VPS13B: variants seen among roughly 807,000 people sequenced by gnomAD.
The protein encoded by VPS13B is vacuolar protein sorting 13 homolog B.
VPS13B carries 285 observed loss-of-function variants against 426.4 expected under a neutral mutation model. The ratio of observed to expected loss-of-function variants is 0.67; its 90% CI spans 0.61 to 0.74. The LOEUF (loss-of-function observed/expected upper bound fraction) is 0.74. Among genes scored for constraint, VPS13B ranks in the 30% least tolerant of loss-of-function variants. The pLI is 0.00. For synonymous variants in VPS13B, 1,676 were observed against 1,676.4 expected, an observed-to-expected ratio of 1.00 and a Z score of 0.01; for missense variants, 4,537 against 4,782.6, an observed-to-expected ratio of 0.95 and a Z score of 1.51.
intron 40 of VPS13B, among the ~76,000 whole-genome samples, chr8:99,771,538 C>A (rs1324107931): frequency 6.6e-6 from 1 of 152,168 alleles, no homozygotes; most frequent in African/African-American, 2.4e-5. Context: ...GACAGTGATC[C>A]ACAGCCTGTG....
chr8:99,511,557 T>A, intron 29 of VPS13B, 45 bp downstream of exon 29: 1 of 1,579,976 alleles, frequency 6.3e-7, no homozygotes, highest in Non-Finnish European at 8.6e-7. Context: ...ATAATTTTCT[T>A]CTAGAGACCT....
chr8:99,835,712 A>G lies in VPS13B; in HGVS notation c.9916A>G (p.Ile3306Val), dbSNP rs756410761. Residue 3306 changes from isoleucine (I) to valine (V), a missense_variant, in exon 54 of 62, where the codon ATT becomes GTT. Transcript: ENST00000357162. ...AGTAACAACTGAGTGGAGTGATGCC[A>G]TTGACATCAACAGTCAGGGAACACA... ...DEVTTEWSDA[I>V]DINSQGTQVV... 6 of 1,614,166 alleles carry G rather than the reference A, an allele frequency of 3.7e-6. No individual in the cohort carries two copies. Among genetic ancestry groups the G allele is most frequent in the Non-Finnish European group, 5.1e-6 (6 of 1,180,018 alleles).
intron 19 of VPS13B, among the ~76,000 whole-genome samples, chr8:99,318,221 A>G (rs1266338305): frequency 2.6e-5 from 4 of 152,188 alleles, no homozygotes; most frequent in Non-Finnish European, 5.9e-5. Context: ...AAAATGGTTG[A>G]TGTGCTTATT....
chr8:99,226,759 G>A (rs187015468), intron 17 of VPS13B, among the ~76,000 whole-genome samples: 239 of 152,140 alleles, frequency 1.6e-3, no homozygotes, highest in African/African-American at 5.3e-3. Context: ...TTTTTAAAAC[G>A]GATACATAAT....
At chr8:99,300,921 A>G (rs995722980) in intron 19 of VPS13B, among the ~76,000 whole-genome samples, 1 of 147,924 alleles carries the variant, frequency 6.8e-6, no homozygotes, top group Non-Finnish European at 1.5e-5. Context: ...TTCTGCACAC[A>G]TAATAAAAAT....
At chr8:99,313,182 T>G (rs929741643) in intron 19 of VPS13B, among the ~76,000 whole-genome samples, 1 of 152,242 alleles carries the variant, frequency 6.6e-6, no homozygotes, top group Non-Finnish European at 1.5e-5. Flanking sequence ...AAAGTCGTTC[T>G]CCATCCAGCT....
chr8:99,106,816 T>G (rs1040461614), intron 5 of VPS13B, among the ~76,000 whole-genome samples: 1 of 152,210 alleles, frequency 6.6e-6, no homozygotes, highest in Non-Finnish European at 1.5e-5. Flanking sequence ...CACAATCAGG[T>G]GAGCAAGGGT....
intron 33 of VPS13B, among the ~76,000 whole-genome samples, chr8:99,623,574 A>G (rs553495411): frequency 2.6e-5 from 4 of 152,288 alleles, no homozygotes; most frequent in Admixed American, 6.5e-5. Context: ...AATGATGGAT[A>G]TAATTAATGA....
chr8:99,840,307 T>G (rs575480366), intron 54 of VPS13B, among the ~76,000 whole-genome samples: 146 of 152,402 alleles, frequency 9.6e-4, no homozygotes, highest in Middle Eastern at 3.4e-3. Flanking sequence ...TACAGTTGAC[T>G]TTTTGAACCC....
At chr8:99,731,740 AT>A (rs1260711799) in intron 39 of VPS13B, among the ~76,000 whole-genome samples, 1 of 152,210 alleles carries the variant, frequency 6.6e-6, no homozygotes, top group Non-Finnish European at 1.5e-5. Flanking sequence ...TAATATGGTA[AT>A]TTAATGAGGA....
At chr8:99,661,828 T>C (rs1830238126) in intron 35 of VPS13B, among the ~76,000 whole-genome samples, 1 of 152,154 alleles carries the variant, frequency 6.6e-6, no homozygotes, top group African/African-American at 2.4e-5. Flanking sequence ...TTTTCTTACC[T>C]GTATATGAAG....
At chr8:99,647,775 A>C (rs547711111) in intron 34 of VPS13B, among the ~76,000 whole-genome samples, 1 of 152,178 alleles carries the variant, frequency 6.6e-6, no homozygotes, top group Non-Finnish European at 1.5e-5. Flanking sequence ...TTTTTATTCT[A>C]TAATTCATAA....
intron 19 of VPS13B, among the ~76,000 whole-genome samples, chr8:99,287,661 A>T (rs541243338): frequency 6.6e-6 from 1 of 152,064 alleles, no homozygotes; most frequent in Non-Finnish European, 1.5e-5. Context: ...CAAATACACC[A>T]TAGGAAAATG....
intron 16 of VPS13B, among the ~76,000 whole-genome samples, chr8:99,172,817 A>G (rs1167659493): frequency 6.6e-6 from 1 of 152,114 alleles, no homozygotes; most frequent in Non-Finnish European, 1.5e-5. Flanking sequence ...CCAGTTACTG[A>G]GTCTTTATGA....
chr8:99,431,838 T>C (rs942043699), intron 22 of VPS13B, among the ~76,000 whole-genome samples, 174 bp downstream of exon 22: 3 of 152,148 alleles, frequency 2.0e-5, no homozygotes. Context: ...CATAATTTTA[T>C]GAAACTCATA....
intron 5 of VPS13B, among the ~76,000 whole-genome samples, chr8:99,109,384 C>CTTTTTTTTT (rs1218412171): frequency 7.1e-6 from 1 of 140,876 alleles, no homozygotes. Context: ...CTTTTTCTTT[C>CTTTTTTTTT]TTTCTTTTTT....
intron 34 of VPS13B, among the ~76,000 whole-genome samples, chr8:99,656,795 A>G (rs1466135594): frequency 1.3e-5 from 2 of 152,230 alleles, no homozygotes; most frequent in Non-Finnish European, 1.5e-5. Flanking sequence ...GATTTAAATG[A>G]TAAACAAAGG....
At chr8:99,702,564 A>C (rs1468968025) in intron 36 of VPS13B, among the ~76,000 whole-genome samples, 1 of 152,140 alleles carries the variant, frequency 6.6e-6, no homozygotes, top group Non-Finnish European at 1.5e-5. Flanking sequence ...AACAATTTGC[A>C]CTTGTTTATG....
intron 25 of VPS13B, among the ~76,000 whole-genome samples, chr8:99,486,256 A>G (rs1268889375): frequency 3.3e-5 from 5 of 150,540 alleles, no homozygotes; most frequent in Non-Finnish European, 7.4e-5. Context: ...TTTTTTTTTT[A>G]CTATAGTTGT....
Sources: gnomAD v4.1 joint callset for allele counts (sites outside exome capture counted in the v4.1 genomes callset) on GRCh38, gnomAD v4.1.1 for gene constraint, MANE v1.5 for transcripts, NCBI Gene and HGNC (gene_info 2026-07-23, HGNC 2026-07-21) for gene names.